Variants in STK39 observed in about 807,000 individuals in gnomAD.
The protein encoded by STK39 is STE20/SPS1-related proline-alanine-rich protein kinase.
Under a neutral mutation model 77.8 loss-of-function variants are expected in STK39, and 20 were observed. The observed-to-expected ratio is 0.26, with a 90% confidence interval of 0.18 to 0.37. The LOEUF is 0.37. STK39 is among the 10% of genes least tolerant of loss of function. The pLI is 1.00. For synonymous variants in STK39, 246 were observed against 234.1 expected (o/e 1.05, Z -0.47); for missense variants, 479 against 656.5 (o/e 0.73, Z 2.95).
chr2:168,136,358 A>G (rs1411858953), intron 8 of STK39, among the ~76,000 whole-genome samples: 1 of 141,212 alleles, frequency 7.1e-6, no homozygotes, highest in East Asian at 2.0e-4. Context: ...ACAGAGCAAG[A>G]CTCCGTCTCA....
chr2:167,996,525 C>T (rs1405713181), intron 16 of STK39, among the ~76,000 whole-genome samples: 1 of 152,182 alleles, frequency 6.6e-6, no homozygotes, highest in Non-Finnish European at 1.5e-5. Flanking sequence ...AGCGTCCAGC[C>T]CGCCCCCCAG....
At chr2:168,205,681 T>G (rs1689723216) in intron 1 of STK39, among the ~76,000 whole-genome samples, 1 of 151,836 alleles carries the variant, frequency 6.6e-6, no homozygotes, top group Non-Finnish European at 1.5e-5. Context: ...TAGCCGGGTG[T>G]GGTGGCACGT....
At chr2:168,144,996 A>ACC (rs1688098974) in intron 5 of STK39, among the ~76,000 whole-genome samples, 2 of 151,618 alleles carry the variant, frequency 1.3e-5, no homozygotes, top group Non-Finnish European at 2.9e-5. Context: ...AAAAAAAAAG[A>ACC]ATATTCCCAC....
chr2:168,116,305 G>A (rs889426295), intron 10 of STK39, among the ~76,000 whole-genome samples: 2 of 152,076 alleles, frequency 1.3e-5, no homozygotes, highest in African/African-American at 2.4e-5. Context: ...GTACAAGGGC[G>A]CCTTAATTTT....
intron 14 of STK39, among the ~76,000 whole-genome samples, chr2:168,029,579 C>A (rs1370784963): frequency 6.6e-6 from 1 of 152,164 alleles, no homozygotes; most frequent in Non-Finnish European, 1.5e-5. Context: ...ACATTGTTTA[C>A]TGATGATTTA....
intron 14 of STK39, among the ~76,000 whole-genome samples, chr2:168,026,709 C>A (rs902547673): frequency 1.3e-5 from 2 of 152,190 alleles, no homozygotes; most frequent in African/African-American, 4.8e-5. Flanking sequence ...TTAAGAATTG[C>A]TGCATGCAGT....
At chr2:168,054,517 G>C (rs1005346685) in intron 14 of STK39, among the ~76,000 whole-genome samples, 1 of 152,100 alleles carries the variant, frequency 6.6e-6, no homozygotes, top group Non-Finnish European at 1.5e-5. Flanking sequence ...ATGCATCAGG[G>C]ACTCAAATTC....
At chr2:168,107,865 G>A (rs1420741464) in intron 10 of STK39, among the ~76,000 whole-genome samples, 2 of 152,194 alleles carry the variant, frequency 1.3e-5, no homozygotes, top group African/African-American at 4.8e-5. Context: ...TTTGGGTAAA[G>A]AGCTCAAGAA....
At chr2:168,048,068 T>C (rs982729909) in intron 14 of STK39, among the ~76,000 whole-genome samples, 4 of 152,208 alleles carry the variant, frequency 2.6e-5, no homozygotes, top group African/African-American at 9.6e-5. Context: ...GTCCCATTTC[T>C]ATGTGGCCCA....
At chr2:167,981,032 C>G (rs1218976237) in intron 16 of STK39, among the ~76,000 whole-genome samples, 1 of 150,032 alleles carries the variant, frequency 6.7e-6, no homozygotes, top group Non-Finnish European at 1.5e-5. Context: ...AGACTTCACA[C>G]TACGTTAGGC....
At chr2:168,026,314 C>T (rs1684697195) in intron 14 of STK39, among the ~76,000 whole-genome samples, 1 of 152,198 alleles carries the variant, frequency 6.6e-6, no homozygotes, top group African/African-American at 2.4e-5. Flanking sequence ...CTTCACACTC[C>T]TGTCAAATTA....
rs75816957 is a variant in STK39, at chr2:168,102,640, C to G, written c.1089+26901G>C. On this transcript the variant is annotated intron_variant, in intron 10 of 17. Coordinates refer to ENST00000355999, the MANE Select transcript of STK39 (RefSeq NM_013233.3). The stretch of plus-strand genomic sequence containing the variant: ...CCATGAATTTATACTGTTTAAAAAT[C>G]TCTTCTCAGCCAGGTGCGGTGGCTC... Among the ~76,000 whole-genome samples, 602 of 152,204 alleles carry G rather than the reference C, an allele frequency of 4.0e-3. 1 individual carries two copies. The highest frequency in any genetic ancestry group is 7.2e-3 in the Non-Finnish European group (492 of 67,990).
rs538512580 is a variant in STK39 at position 168,112,636 on chromosome 2, G to A, written c.1089+16905C>T. Among the ~76,000 whole-genome samples, 3 of 152,132 alleles carry A rather than the reference G, an allele frequency of 2.0e-5. No individual in the cohort carries two copies. In the East Asian group the frequency reaches 5.8e-4, roughly 29 times the overall value. On this transcript the variant is annotated intron_variant, in intron 10 of 17. Transcript: ENST00000355999. ...CAGTCTCAGGTAGTTCTTTATAGCA[G>A]TATGAAAACAAACTAATACAACCCC... is the stretch of plus-strand genomic sequence containing the variant.
chr2:168,148,773 G>T (rs1485840076), intron 5 of STK39, among the ~76,000 whole-genome samples: 2 of 152,184 alleles, frequency 1.3e-5, no homozygotes, highest in Non-Finnish European at 2.9e-5. Context: ...CCTGATTCTA[G>T]TAAGTCTGCC....
chr2:168,075,122 AAAGCTGCTTTCCCTTC>A lies in STK39; in HGVS notation c.1183_1198del (p.Glu395PhefsTer9). 1 of 1,614,228 alleles carries A rather than the reference AAAGCTGCTTTCCCTTC, an allele frequency of 6.2e-7. No individual in the cohort carries two copies. Among genetic ancestry groups the A allele is most frequent in the African/African-American group, 1.3e-5 (1 of 75,060 alleles). On this transcript the variant is annotated frameshift_variant, in exon 11 of 18. Coordinates refer to ENST00000355999, the MANE Select transcript of STK39 (RefSeq NM_013233.3). LOFTEE classifies it high-confidence loss of function. ...GATGTCATTTACCTTTTCCTGAGAA[AAAGCTGCTTTCCCTTC>A]TTCGCTCTTCTCATCCATCTCGTCG...
Position 168,129,772 on chromosome 2 carries a change from A to G in STK39, c.975-14T>C. On this transcript the variant is annotated splice_polypyrimidine_tract_variant and intron_variant, in intron 8 of 17. Coordinates refer to ENST00000355999, the MANE Select transcript of STK39 (RefSeq NM_013233.3). ...GCTGCTGTGGGCCTGAAAGATCAAT[A>G]ATAAATTAGAGTTGAAACAATGACC... 1 of 1,613,018 alleles carries G rather than the reference A, an allele frequency of 6.2e-7. No individual in the cohort carries two copies. Among genetic ancestry groups the G allele is most frequent in the Admixed American group, 1.7e-5 (1 of 60,018 alleles).
chr2:168,050,374 G>A (rs563161922), intron 14 of STK39, among the ~76,000 whole-genome samples: 1 of 152,338 alleles, frequency 6.6e-6, no homozygotes, highest in East Asian at 1.9e-4. Flanking sequence ...TACGTCCACA[G>A]CCAAATCTCA....
At chr2:168,108,730 T>A (rs934409474) in intron 10 of STK39, among the ~76,000 whole-genome samples, 5 of 152,194 alleles carry the variant, frequency 3.3e-5, no homozygotes, top group African/African-American at 1.2e-4. Context: ...AATGAATCGA[T>A]AAGCAATATT....
chr2:168,079,903 A>G (rs1686181925), intron 10 of STK39, among the ~76,000 whole-genome samples: 1 of 152,176 alleles, frequency 6.6e-6, no homozygotes, highest in South Asian at 2.1e-4. Context: ...TTTCAGAGGT[A>G]AAACTGTGAC....
Sources: gnomAD v4.1 joint callset for allele counts (sites outside exome capture counted in the v4.1 genomes callset) on GRCh38, gnomAD v4.1.1 for gene constraint, MANE v1.5 for transcripts, NCBI Gene and HGNC (gene_info 2026-07-23, HGNC 2026-07-21) for gene names.